Variants in RIMS1 observed in about 807,000 individuals in gnomAD.
RIMS1 encodes the protein regulating synaptic membrane exocytosis protein 1.
In RIMS1, 83 loss-of-function variants were observed where a neutral mutation model predicts 214.1. The ratio of observed to expected loss-of-function variants is 0.39; its 90% CI spans 0.32 to 0.47. The LOEUF is 0.47. RIMS1 is among the 20% of genes least tolerant of loss of function. The pLI, the probability that RIMS1 is intolerant of heterozygous loss-of-function variation, is 0.99. For missense variants in RIMS1, 2,050 were observed against 2,161.8 expected, an observed-to-expected ratio of 0.95 and a Z score of 1.03; for synonymous variants, 793 against 786.8, an observed-to-expected ratio of 1.01 and a Z score of -0.13.
In RIMS1 at chr6:72,182,716, G is replaced by A. The variant is rs1255182222; in HGVS notation, c.1245G>A (p.Ala415=). ...PEGKAGKRAP[A]AARASPPDSP... is the part of the protein sequence containing the mutation. ...GCAAGGCCGGCAAACGCGCGCCGGC[G>A]GCAGCCAGGGCCTCGCCGCCGGACT... The change falls in exon 6 of 34, where the codon GCG becomes GCA. Residue 415 remains alanine, a synonymous_variant. Transcript: ENST00000521978. 1.3e-6 allele frequency: 2 copies of A among 1,515,400 alleles called. No homozygotes were observed. Among genetic ancestry groups the A allele is most frequent in the Non-Finnish European group, 1.8e-6 (2 of 1,136,960 alleles). The allele number at this position is 1,515,400 out of a possible 1,614,324, so 93.9% of individuals were successfully genotyped here.
chr6:72,319,139 C>T (rs1205444219), intron 28 of RIMS1, among the ~76,000 whole-genome samples: 2 of 151,922 alleles, frequency 1.3e-5, no homozygotes, highest in African/African-American at 2.4e-5. Flanking sequence ...GAGACTTTAT[C>T]CCAAGTTAGA....
chr6:71,930,454 G>A (rs548991483), intron 1 of RIMS1, among the ~76,000 whole-genome samples: 8 of 152,022 alleles, frequency 5.3e-5, no homozygotes, highest in East Asian at 3.9e-4. Context: ...TGAACATTTC[G>A]TAGAATCAGA....
At chr6:72,205,820 A>G (rs1333852556) in intron 6 of RIMS1, among the ~76,000 whole-genome samples, 1 of 152,190 alleles carries the variant, frequency 6.6e-6, no homozygotes, top group African/African-American at 2.4e-5. Flanking sequence ...AGTTTCCAAC[A>G]ATAAGATACT....
chr6:72,265,422 C>A lies in RIMS1; in HGVS notation c.3227C>A (p.Ser1076Ter). 1 of 1,608,546 alleles carries A rather than the reference C, an allele frequency of 6.2e-7. No individual in the cohort carries two copies. Among genetic ancestry groups the A allele is most frequent in the South Asian group, 1.1e-5 (1 of 90,490 alleles). ...CTGCCTGCACATACTAAGACCAAAT[C>A]AGTGACTAGACAGGACATTTCCCTT... ...SILPAHTKTK[S>*]VTRQDISLHH... The change falls in exon 21 of 34, where the codon TCA becomes TAA. Residue 1076 changes from serine to a stop codon, truncating the protein, a stop_gained. Coordinates refer to ENST00000521978, the MANE Select transcript of RIMS1 (RefSeq NM_014989.7). LOFTEE classifies it high-confidence loss of function.
At chr6:72,202,035 T>C (rs766478072) in intron 6 of RIMS1, among the ~76,000 whole-genome samples, 1 of 152,230 alleles carries the variant, frequency 6.6e-6, no homozygotes, top group African/African-American at 2.4e-5. Context: ...TCTAGGTTTA[T>C]TGTATTTAGC....
At chr6:72,287,775 G>T (rs913731055) in intron 24 of RIMS1, among the ~76,000 whole-genome samples, 1 of 151,990 alleles carries the variant, frequency 6.6e-6, no homozygotes, top group Non-Finnish European at 1.5e-5. Context: ...TGTATTTTTA[G>T]TAGAGACGGG....
At chr6:72,374,441 A>G (rs1184967859) in intron 29 of RIMS1, among the ~76,000 whole-genome samples, 2 of 152,216 alleles carry the variant, frequency 1.3e-5, no homozygotes, top group East Asian at 1.9e-4. Context: ...TATTCTTCCC[A>G]GTCATGGAAT....
intron 13 of RIMS1, 91 bp from the exon 14 acceptor site, chr6:72,250,830 A>G: frequency 1.5e-6 from 1 of 675,820 alleles, no homozygotes; most frequent in East Asian, 2.8e-5. Context: ...TAGTTAAAAT[A>G]ATATAAATAT....
At position 72,333,641 on chromosome 6, in the gene RIMS1, C is replaced by T; in HGVS notation, c.4172C>T (p.Ser1391Leu). The T allele has an allele frequency of 6.3e-7, 1 of 1,597,000 alleles. No homozygotes were observed. The highest frequency in any genetic ancestry group is 8.5e-7 in the Non-Finnish European group (1 of 1,171,398). ...PKMQGRRMGT[S>L]GRSIMKSTSV... ...ATGCAAGGCAGACGGATGGGGACTTCAGGAAGATCCATCATGAAGAGCACC... is the reference window on the plus strand; with the variant it reads ...ATGCAAGGCAGACGGATGGGGACTTTAGGAAGATCCATCATGAAGAGCACC... Residue 1391 changes from serine (S) to leucine (L), a missense_variant, in exon 29 of 34, where the codon TCA becomes TTA. This residue lies in a region of RIMS1 where 889 missense variants were observed against 885.5 expected (regional missense o/e 1.00). Coordinates refer to ENST00000521978, the MANE Select transcript of RIMS1 (RefSeq NM_014989.7).
intron 6 of RIMS1, among the ~76,000 whole-genome samples, chr6:72,201,465 C>G (rs17726203): frequency 0.029 from 4,393 of 152,146 alleles, 78 homozygotes; most frequent in Middle Eastern, 0.044. Context: ...CCCATTTTAT[C>G]CAGTGAATGA....
At chr6:72,292,124 G>T (rs190749111) in intron 26 of RIMS1, 78 bp downstream of exon 26, 2 of 880,134 alleles carry the variant, frequency 2.3e-6, no homozygotes, top group Admixed American at 2.8e-5. Context: ...TTTATTAAAT[G>T]AATAGTATTT....
intron 2 of RIMS1, among the ~76,000 whole-genome samples, chr6:71,988,269 C>T (rs2151567329): frequency 6.6e-6 from 1 of 152,220 alleles, no homozygotes; most frequent in South Asian, 2.1e-4. Flanking sequence ...ACCAGCTTTA[C>T]TGAGTCTGAA....
At chr6:72,110,022 C>T (rs534762004) in intron 4 of RIMS1, among the ~76,000 whole-genome samples, 18 of 151,968 alleles carry the variant, frequency 1.2e-4, no homozygotes, top group Admixed American at 2.0e-4. Flanking sequence ...AGATATGTGG[C>T]GTTATTTCTG....
intron 1 of RIMS1, among the ~76,000 whole-genome samples, chr6:71,957,325 G>A (rs777596436): frequency 6.6e-6 from 1 of 152,154 alleles, no homozygotes; most frequent in African/African-American, 2.4e-5. Context: ...CTTTTCAAGA[G>A]CAAAGTTATA....
chr6:71,897,088 T>C (rs769023459), intron 1 of RIMS1, among the ~76,000 whole-genome samples: 5 of 152,204 alleles, frequency 3.3e-5, no homozygotes, highest in Non-Finnish European at 7.4e-5. Flanking sequence ...TCTGTATTTC[T>C]TGTCTGTGTG....
intron 2 of RIMS1, among the ~76,000 whole-genome samples, chr6:72,019,242 T>C (rs1376759256): frequency 6.6e-6 from 1 of 152,044 alleles, no homozygotes; most frequent in African/African-American, 2.4e-5. Context: ...GCTGTCAGTA[T>C]AGTGTAATTG....
At chr6:72,167,663 T>A (rs2153948355) in intron 4 of RIMS1, among the ~76,000 whole-genome samples, 1 of 152,214 alleles carries the variant, frequency 6.6e-6, no homozygotes, top group African/African-American at 2.4e-5. Context: ...TTGCGTCAGT[T>A]TTGGTAGTTT....
intron 26 of RIMS1, among the ~76,000 whole-genome samples, chr6:72,302,027 C>A (rs1453812828): frequency 6.6e-6 from 1 of 151,488 alleles, no homozygotes; most frequent in Non-Finnish European, 1.5e-5. Context: ...TTTAACAATA[C>A]CCTATTGAAA....
chr6:71,969,418 G>A (rs1423207652), intron 2 of RIMS1, among the ~76,000 whole-genome samples: 1 of 152,204 alleles, frequency 6.6e-6, no homozygotes, highest in Non-Finnish European at 1.5e-5. Context: ...TACAGACAGG[G>A]TGCTGAGTGG....
Sources: allele counts gnomAD v4.1 joint callset (sites outside exome capture counted in the v4.1 genomes callset), GRCh38; gene constraint gnomAD v4.1.1; regional missense constraint gnomAD v4.1.1; transcripts MANE v1.5; gene names NCBI Gene and HGNC (gene_info 2026-07-23, HGNC 2026-07-21).